The following CTNNA2 variants were observed in gnomAD, a reference collection of about 807,000 sequenced individuals.
CTNNA2 encodes the protein catenin alpha-2.
CTNNA2 carries 42 observed loss-of-function variants against 101.0 expected under a neutral mutation model. The observed-to-expected ratio is 0.42, with a 90% CI of 0.32 to 0.54. The LOEUF (loss-of-function observed/expected upper bound fraction) is 0.54, where lower values mean the gene tolerates loss of function less well. Among genes scored for constraint, CTNNA2 ranks in the 20% least tolerant of loss-of-function variants. The pLI is 0.14. For synonymous variants in CTNNA2, 450 were observed against 456.4 expected (o/e 0.99, Z 0.18); for missense variants, 871 against 1,223.1 (o/e 0.71, Z 4.29).
At chr2:80,580,328 C>T (rs891737528) in intron 13 of CTNNA2, among the ~76,000 whole-genome samples, 2 of 152,126 alleles carry the variant, frequency 1.3e-5, no homozygotes, top group African/African-American at 2.4e-5. Context: ...CTTATCTTTT[C>T]CTTATCACTG....
intron 18 of CTNNA2, among the ~76,000 whole-genome samples, chr2:80,625,018 G>A (rs1403699501): frequency 6.6e-6 from 1 of 151,744 alleles, no homozygotes; most frequent in African/African-American, 2.4e-5. Context: ...TTACCTCAAG[G>A]CCTATTCTTT....
In CTNNA2 at chr2:80,513,558, A is replaced by G. The variant is rs116684037; in HGVS notation, c.1291-31424A>G. On this transcript the variant is annotated intron_variant, in intron 9 of 18. Coordinates refer to ENST00000402739, the MANE Select transcript of CTNNA2 (RefSeq NM_001282597.3). The stretch of plus-strand genomic sequence containing the variant: ...TCTTTTATTGAATGTGTGGTTGCAT[A>G]TCAGTCAGGATAAATTAGGTTATGC... Among the ~76,000 whole-genome samples, 207 of 152,358 alleles carry G rather than the reference A, an allele frequency of 1.4e-3. 2 individuals are homozygous for G. The highest frequency in any genetic ancestry group is 4.8e-3 in the African/African-American group (199 of 41,582).
At chr2:79,541,909 GC>G (rs1354389654) in intron 1 of CTNNA2, among the ~76,000 whole-genome samples, 1 of 152,122 alleles carries the variant, frequency 6.6e-6, no homozygotes, top group East Asian at 1.9e-4. Flanking sequence ...ACAGGCGTGA[GC>G]CACCGTGCCT....
At chr2:79,824,856 C>T (rs771377114) in intron 3 of CTNNA2, among the ~76,000 whole-genome samples, 6 of 152,114 alleles carry the variant, frequency 3.9e-5, no homozygotes, top group Non-Finnish European at 5.9e-5. Context: ...AATTCCTCAA[C>T]ATTTGTTAAT....
At chr2:80,364,969 T>A (rs1674781733) in intron 7 of CTNNA2, among the ~76,000 whole-genome samples, 1 of 152,148 alleles carries the variant, frequency 6.6e-6, no homozygotes, top group South Asian at 2.1e-4. Context: ...CAGCTCGATT[T>A]AGTGGCATTG....
intron 2 of CTNNA2, among the ~76,000 whole-genome samples, chr2:79,251,541 G>A (rs541847933): frequency 1.3e-5 from 2 of 152,182 alleles, no homozygotes; most frequent in Admixed American, 1.3e-4. Flanking sequence ...TCCAAGATTA[G>A]GTTATAAAAG....
chr2:80,224,772 G>A (rs1708776997), intron 7 of CTNNA2, among the ~76,000 whole-genome samples: 2 of 152,042 alleles, frequency 1.3e-5, no homozygotes, highest in Admixed American at 6.5e-5. Context: ...TGCTACAAGA[G>A]ACCTACCTCT....
At chr2:79,253,914 C>T (rs1474863248) in intron 2 of CTNNA2, among the ~76,000 whole-genome samples, 2 of 152,156 alleles carry the variant, frequency 1.3e-5, no homozygotes, top group African/African-American at 4.8e-5. Flanking sequence ...AAAAACAGTA[C>T]ATGTATAGTT....
At chr2:80,620,328 TA>T (rs11293265) in intron 18 of CTNNA2, among the ~76,000 whole-genome samples, 36,383 of 151,516 alleles carry the variant, frequency 0.24, 6,542 homozygotes, top group African/African-American at 0.51. Context: ...GGTTTCGGTT[TA>T]AAAATGAAGA....
chr2:79,808,753 G>T (rs7605642), intron 3 of CTNNA2, among the ~76,000 whole-genome samples: 28,959 of 151,450 alleles, frequency 0.19, 3,218 homozygotes, highest in African/African-American at 0.31. Flanking sequence ...TGGGGTCAAG[G>T]TTAATGTTTT....
intron 2 of CTNNA2, among the ~76,000 whole-genome samples, chr2:79,247,031 C>T (rs1674709193): frequency 6.6e-6 from 1 of 152,176 alleles, no homozygotes; most frequent in Admixed American, 6.5e-5. Flanking sequence ...ACCCTGAGTG[C>T]TGTTGCAGAA....
intron 12 of CTNNA2, among the ~76,000 whole-genome samples, chr2:80,571,450 C>T (rs867544216): frequency 5.9e-5 from 9 of 151,976 alleles, no homozygotes; most frequent in African/African-American, 2.2e-4. Context: ...TGAAAAGATT[C>T]AAAGATACAA....
Position 80,647,986 on chromosome 2 carries a change from T to TAAGGGAAC in CTNNA2, c.*116_*123dup. Reference sequence around the variant, plus strand: ...TCGTATGCCTCTGGCATGGGGAAATTAAGGGAACAGTGTCTGTTTGCATGT... The same window carrying TAAGGGAAC: ...TCGTATGCCTCTGGCATGGGGAAATTAAGGGAACAAGGGAACAGTGTCTGTTTGCATGT... On this transcript the variant is annotated 3_prime_UTR_variant, in exon 19 of 19. Coordinates refer to ENST00000402739, the MANE Select transcript of CTNNA2 (RefSeq NM_001282597.3). 1.0e-6 allele frequency: 1 copy of TAAGGGAAC among 975,092 alleles called. No individual in the cohort carries two copies. The allele number at this position is 975,092 out of a possible 1,614,324, so 60.4% of individuals were successfully genotyped here. A position where few individuals can be genotyped will look rare whatever the true frequency, so the allele number is the denominator to read the frequency against.
chr2:79,757,183 A>C (rs1373463659), intron 3 of CTNNA2, among the ~76,000 whole-genome samples: 1 of 152,214 alleles, frequency 6.6e-6, no homozygotes, highest in East Asian at 1.9e-4. Context: ...ATAGTACAGA[A>C]AATTACATAT....
chr2:79,405,762 T>A (rs2084748), intron 4 of CTNNA2, among the ~76,000 whole-genome samples: 62,193 of 151,948 alleles, frequency 0.41, 13,764 homozygotes, highest in Non-Finnish European at 0.49. Flanking sequence ...TCTTCTTTTA[T>A]CTTTGTGAGA....
chr2:80,235,742 C>A (rs1226336289), intron 7 of CTNNA2, among the ~76,000 whole-genome samples: 2 of 152,186 alleles, frequency 1.3e-5, no homozygotes, highest in African/African-American at 4.8e-5. Context: ...TTGATCACCC[C>A]ACTTACCTTA....
At chr2:79,465,960 G>A (rs1035836114) in intron 4 of CTNNA2, among the ~76,000 whole-genome samples, 5 of 152,148 alleles carry the variant, frequency 3.3e-5, no homozygotes, top group Non-Finnish European at 5.9e-5. Flanking sequence ...CAGCATGAGT[G>A]ACGTAAAAAA....
intron 2 of CTNNA2, among the ~76,000 whole-genome samples, chr2:79,222,756 T>A (rs1674361327): frequency 6.6e-6 from 1 of 152,064 alleles, no homozygotes; most frequent in South Asian, 2.1e-4. Context: ...TAAGTTGACA[T>A]CTTAGTTCCC....
intron 4 of CTNNA2, among the ~76,000 whole-genome samples, chr2:79,393,628 G>GAAAAAAAAAAAAAAAAAAAAAAAA (rs71385270): frequency 1.1e-5 from 1 of 89,036 alleles, no homozygotes. Flanking sequence ...TGTTCACAGA[G>GAAAAAAAAAAAAAAAAAAAAAAAA]AAAAAAAAAA....
Sources: allele counts gnomAD v4.1 joint callset (sites outside exome capture counted in the v4.1 genomes callset), GRCh38; gene constraint gnomAD v4.1.1; transcripts MANE v1.5; gene names NCBI Gene and HGNC (gene_info 2026-07-23, HGNC 2026-07-21).